Variants in SEMA5A observed in about 807,000 individuals in gnomAD.
SEMA5A encodes semaphorin-5A.
Under a neutral mutation model 135.5 loss-of-function variants are expected in SEMA5A, and 55 were observed. The observed-to-expected ratio is 0.41, with a 90% CI of 0.33 to 0.51. SEMA5A has a LOEUF of 0.51. SEMA5A is among the 20% of genes least tolerant of loss of function. The probability of loss-of-function intolerance (pLI) is 0.37; values close to 1 mark genes in which losing one functional copy is unlikely to be tolerated. For missense variants in SEMA5A, 1,290 were observed against 1,419.9 expected, an observed-to-expected ratio of 0.91 and a Z score of 1.47; for synonymous variants, 580 against 546.5, an observed-to-expected ratio of 1.06 and a Z score of -0.85.
At position 9,154,062 on chromosome 5, in the gene SEMA5A, A is replaced by AAAATAT. The variant is rs1159261162; in HGVS notation, c.1481+425_1481+426insATATTT. 1.0e-4 allele frequency among the ~76,000 whole-genome samples: 7 copies of AAAATAT among 68,290 alleles called. No individual in the cohort carries two copies. In the South Asian group the frequency reaches 2.1e-3, roughly 20 times the overall value. 44.8% of individuals were successfully genotyped at this position (68,290 alleles called of 152,430 possible). On this transcript the variant is annotated intron_variant, in intron 12 of 22. Transcript: ENST00000382496. ...CTGTGTCTCAAAAAAAAAAAAAAAA[A>AAAATAT]ATATATATATATATATATATATATA...
intron 5 of SEMA5A, among the ~76,000 whole-genome samples, chr5:9,268,251 T>A (rs1749783878): frequency 1.3e-5 from 2 of 152,262 alleles, no homozygotes; most frequent in South Asian, 4.1e-4. Flanking sequence ...CTTGGGATGA[T>A]CCTCAAATAT....
At chr5:9,278,195 C>T (rs575335130) in intron 5 of SEMA5A, among the ~76,000 whole-genome samples, 1 of 151,808 alleles carries the variant, frequency 6.6e-6, no homozygotes, top group South Asian at 2.1e-4. Context: ...TGATGGCAAC[C>T]CTTGCTATGC....
At chr5:9,220,219 G>A (rs1746856573) in intron 8 of SEMA5A, among the ~76,000 whole-genome samples, 1 of 152,176 alleles carries the variant, frequency 6.6e-6, no homozygotes, top group Non-Finnish European at 1.5e-5. Flanking sequence ...GTTGGCAGGG[G>A]AGTGGGGGAT....
Position 9,108,247 on chromosome 5 carries a change from A to C in SEMA5A, c.1966T>G (p.Trp656Gly). The C allele has an allele frequency of 6.2e-7, 1 of 1,614,188 alleles. No individual in the cohort carries two copies. The highest frequency in any genetic ancestry group is 8.5e-7 in the Non-Finnish European group (1 of 1,180,030). Residue 656 changes from tryptophan to glycine, a missense_variant, in exon 16 of 23, where the codon TGG (tryptophan) becomes GGG (glycine). Trp to Gly is a radical substitution (Grantham distance 184). Transcript: ENST00000382496. Reference sequence around the variant, plus strand: ...CGTTCCCAAGGACCCCAGCCTGTCCAGAACATGTGTGGGGGACATAGCAAA... The same window carrying C: ...CGTTCCCAAGGACCCCAGCCTGTCCCGAACATGTGTGGGGGACATAGCAAA... ...EHLLCPPHMF[W>G]TGWGPWERCT...
intron 2 of SEMA5A, among the ~76,000 whole-genome samples, chr5:9,419,290 G>GT (rs1167310056): frequency 6.6e-6 from 1 of 152,200 alleles, no homozygotes; most frequent in East Asian, 1.9e-4. Flanking sequence ...GACCAAGCAT[G>GT]TGGTCGATCT....
intron 1 of SEMA5A, among the ~76,000 whole-genome samples, chr5:9,527,800 C>A: frequency 6.6e-6 from 1 of 152,116 alleles, no homozygotes; most frequent in East Asian, 1.9e-4. Context: ...TCCTCAGGTC[C>A]TCACAGCTAC....
At chr5:9,090,794 G>A (rs963721511) in intron 16 of SEMA5A, among the ~76,000 whole-genome samples, 5 of 152,166 alleles carry the variant, frequency 3.3e-5, no homozygotes, top group African/African-American at 1.2e-4. Context: ...ATACAGAAGG[G>A]CACAGGAAAG....
intron 1 of SEMA5A, among the ~76,000 whole-genome samples, chr5:9,538,658 T>C (rs1579708576): frequency 2.0e-5 from 3 of 152,358 alleles, no homozygotes; most frequent in African/African-American, 7.2e-5. Flanking sequence ...CGAGGCTGGC[T>C]GATGAGTTTA....
At chr5:9,328,406 A>G (rs968460172) in intron 4 of SEMA5A, among the ~76,000 whole-genome samples, 2 of 152,214 alleles carry the variant, frequency 1.3e-5, no homozygotes, top group African/African-American at 4.8e-5. Context: ...ATAAATGTAG[A>G]AATCTCCTGG....
At chr5:9,403,043 T>A (rs1756731472) in intron 2 of SEMA5A, among the ~76,000 whole-genome samples, 1 of 152,172 alleles carries the variant, frequency 6.6e-6, no homozygotes, top group Admixed American at 6.5e-5. Flanking sequence ...ACATGCCCCT[T>A]GCTCTTTATG....
Position 9,057,621 on chromosome 5 carries a change from A to G in SEMA5A, c.2519-3364T>C, listed in dbSNP as rs528335401. Among the ~76,000 whole-genome samples, 25 of 152,344 alleles carry G rather than the reference A, an allele frequency of 1.6e-4. 1 individual carries two copies. In the South Asian group the frequency reaches 5.2e-3, roughly 32 times the overall value. On this transcript the variant is annotated intron_variant, in intron 18 of 22. Coordinates refer to ENST00000382496, the MANE Select transcript of SEMA5A (RefSeq NM_003966.3). ...TAAGAGAGCATTTGGAACAGAATCC[A>G]GTTGCTGAAACATTCCCACTTGGGA...
rs1270069182 is a variant in SEMA5A at position 9,204,589 on chromosome 5, G to A, written c.647-2349C>T. 6.6e-6 allele frequency among the ~76,000 whole-genome samples: 1 copy of A among 152,214 alleles called. No individual in the cohort carries two copies. The highest frequency in any genetic ancestry group is 1.5e-5 in the Non-Finnish European group (1 of 68,032). ...CCATTGAACTCACAAGAATCACAGA[G>A]CTAGGTGCTGTGCTATTCTTCCCAT... On this transcript the variant is annotated intron_variant, in intron 8 of 22. Transcript: ENST00000382496. This position sits in a 1 kb window ranked among gnomAD's most constrained non-coding sequence, Gnocchi z 6.4.
intron 1 of SEMA5A, among the ~76,000 whole-genome samples, chr5:9,456,054 A>G (rs268542): frequency 1.3e-5 from 2 of 152,026 alleles, no homozygotes; most frequent in Non-Finnish European, 2.9e-5. Flanking sequence ...AGTCTCTGCC[A>G]AAGACAGAAA....
intron 1 of SEMA5A, among the ~76,000 whole-genome samples, chr5:9,532,041 GT>G (rs1227856418): frequency 6.6e-6 from 1 of 152,194 alleles, no homozygotes; most frequent in African/African-American, 2.4e-5. Flanking sequence ...TCTATGGAAT[GT>G]TTTTATCAAC....
chr5:9,141,302 T>C (rs1403329351), intron 12 of SEMA5A, among the ~76,000 whole-genome samples: 1 of 152,354 alleles, frequency 6.6e-6, no homozygotes, highest in East Asian at 1.9e-4. Flanking sequence ...TATTCCACTT[T>C]GAAAATGTTT....
At chr5:9,145,833 T>C (rs906512997) in intron 12 of SEMA5A, among the ~76,000 whole-genome samples, 3 of 147,924 alleles carry the variant, frequency 2.0e-5, no homozygotes, top group Non-Finnish European at 4.5e-5. Context: ...TTAGCAGAGA[T>C]GGGGTTTCAT....
chr5:9,442,908 T>G (rs1758291823), intron 1 of SEMA5A, among the ~76,000 whole-genome samples: 1 of 152,204 alleles, frequency 6.6e-6, no homozygotes, highest in South Asian at 2.1e-4. Flanking sequence ...CAGAATTTTC[T>G]CAGTAGGAAT....
intron 12 of SEMA5A, among the ~76,000 whole-genome samples, chr5:9,142,406 G>C (rs1742111813): frequency 6.6e-6 from 1 of 152,174 alleles, no homozygotes; most frequent in South Asian, 2.1e-4. Flanking sequence ...AGCTTGAGGA[G>C]AGAAATGGGC....
chr5:9,335,630 T>C (rs1298477627), intron 4 of SEMA5A, among the ~76,000 whole-genome samples: 2 of 152,172 alleles, frequency 1.3e-5, no homozygotes. Flanking sequence ...CCCACCCCGG[T>C]AAGGGGTCTG....
Sources: gnomAD v4.1 joint callset for allele counts (sites outside exome capture counted in the v4.1 genomes callset) on GRCh38, gnomAD v4.1.1 for gene constraint, Gnocchi (gnomAD v3.1) non-coding constraint, MANE v1.5 for transcripts, NCBI Gene and HGNC (gene_info 2026-07-23, HGNC 2026-07-21) for gene names.